SPATA17: variants seen among roughly 807,000 people sequenced by gnomAD.
SPATA17 encodes the protein spermatogenesis associated 17.
A neutral mutation model predicts 62.2 loss-of-function variants in SPATA17; 53 were observed. The ratio of observed to expected loss-of-function variants is 0.85; its 90% CI spans 0.68 to 1.07. SPATA17 has a LOEUF of 1.07. SPATA17 is among the 50% of genes least tolerant of loss of function. The probability of loss-of-function intolerance (pLI) is 0.00; values close to 1 mark genes in which losing one functional copy is unlikely to be tolerated. For synonymous variants in SPATA17, 146 were observed against 146.8 expected, an observed-to-expected ratio of 0.99 and a Z score of 0.04; for missense variants, 466 against 425.5, an observed-to-expected ratio of 1.10 and a Z score of -0.84.
chr1:217,713,112 T>C lies in SPATA17; in HGVS notation c.396-28863T>C, dbSNP rs139871676. ...ACGGTGATACAATCTGCAGAGTTCA[T>C]CTTTCTCGGTCACAGTGTAGGGCAG... On this transcript the variant is annotated intron_variant, in intron 5 of 10. Coordinates refer to ENST00000366933, the MANE Select transcript of SPATA17 (RefSeq NM_138796.4). 6.7e-4 allele frequency among the ~76,000 whole-genome samples: 102 copies of C among 152,298 alleles called. No homozygotes were observed. The South Asian group carries it at 0.011, about 16-fold the overall frequency.
intron 6 of SPATA17, among the ~76,000 whole-genome samples, chr1:217,745,752 C>T (rs1672732482): frequency 6.6e-6 from 1 of 152,012 alleles, no homozygotes; most frequent in Non-Finnish European, 1.5e-5. Context: ...ACAAAAAGCG[C>T]TGAGCCTAAT....
intron 8 of SPATA17, among the ~76,000 whole-genome samples, chr1:217,797,913 G>A (rs972694655): frequency 6.6e-5 from 10 of 152,218 alleles, no homozygotes; most frequent in Non-Finnish European, 1.2e-4. Flanking sequence ...AAGTATTTTA[G>A]ATAGACCTTT....
At chr1:217,645,971 T>C (rs934489166) in intron 1 of SPATA17, among the ~76,000 whole-genome samples, 2 of 152,214 alleles carry the variant, frequency 1.3e-5, no homozygotes, top group Non-Finnish European at 1.5e-5. Context: ...TTGGACCTTT[T>C]TTTTAAATAA....
rs1215424321 is a variant in SPATA17, at chr1:217,869,509, C to T, written c.*2490C>T. ...TTCTCTACAGAATGTAGATTTTCCC[C>T]ATAAGAGATAGCTTCGCAGGGCCAT... On this transcript the variant is annotated 3_prime_UTR_variant, in exon 11 of 11. Transcript: ENST00000366933. The T allele has an allele frequency of 6.6e-6, 1 of 152,048 alleles. No individual in the cohort carries two copies. Among genetic ancestry groups the T allele is most frequent in the Non-Finnish European group, 1.5e-5 (1 of 68,014 alleles). 9.4% of individuals were successfully genotyped at this position (152,048 alleles called of 1,614,324 possible). A position where few individuals can be genotyped will look rare whatever the true frequency, so the allele number is the denominator to read the frequency against.
Position 217,755,993 on chromosome 1 carries a change from TA to T in SPATA17, c.519+13896del, listed in dbSNP as rs146795634. On this transcript the variant is annotated intron_variant, in intron 6 of 10. Coordinates refer to ENST00000366933, the MANE Select transcript of SPATA17 (RefSeq NM_138796.4). ...TTCTATGTCTTAATAAAGCACTTGC[TA>T]TTGGTTTTATGGTTATAGCTACCTC... Among the ~76,000 whole-genome samples the T allele has an allele frequency of 7.2e-3, 1,096 of 152,250 alleles. 11 individuals carry two copies. Among genetic ancestry groups the T allele is most frequent in the African/African-American group, 0.025 (1,044 of 41,566 alleles).
chr1:217,669,746 TC>T (rs1401375130), intron 4 of SPATA17, among the ~76,000 whole-genome samples: 1 of 152,218 alleles, frequency 6.6e-6, no homozygotes, highest in African/African-American at 2.4e-5. Flanking sequence ...TGCCTTATAT[TC>T]TTTTTCATTA....
chr1:217,720,482 T>A (rs910167654), intron 5 of SPATA17, among the ~76,000 whole-genome samples: 1 of 152,146 alleles, frequency 6.6e-6, no homozygotes, highest in Non-Finnish European at 1.5e-5. Flanking sequence ...ACAAAATGAC[T>A]GTAGCTGCAA....
chr1:217,852,403 G>T (rs1238409248), intron 9 of SPATA17, among the ~76,000 whole-genome samples: 1 of 152,158 alleles, frequency 6.6e-6, no homozygotes, highest in East Asian at 1.9e-4. Context: ...GAAATTATGG[G>T]CTAGGTATCA....
At chr1:217,654,454 A>G (rs920356514) in intron 3 of SPATA17, among the ~76,000 whole-genome samples, 2 of 152,118 alleles carry the variant, frequency 1.3e-5, no homozygotes, top group Non-Finnish European at 2.9e-5. Flanking sequence ...TTATTGTGCT[A>G]TCATTTACAT....
intron 3 of SPATA17, 89 bp downstream of exon 3, chr1:217,651,267 A>G: frequency 1.9e-6 from 2 of 1,056,340 alleles, no homozygotes; most frequent in Middle Eastern, 2.4e-4. Context: ...ATAGTTTGGA[A>G]ATTACTGATG....
chr1:217,689,865 G>A (rs1671305730), intron 5 of SPATA17, among the ~76,000 whole-genome samples: 1 of 150,666 alleles, frequency 6.6e-6, no homozygotes. Flanking sequence ...TACCATCACA[G>A]AAGCCTGTTG....
intron 1 of SPATA17, among the ~76,000 whole-genome samples, chr1:217,633,962 A>G (rs536110753): frequency 6.6e-6 from 1 of 152,350 alleles, no homozygotes; most frequent in Admixed American, 6.5e-5. Context: ...AACTCCAAGA[A>G]GTGAGCAGCA....
intron 1 of SPATA17, among the ~76,000 whole-genome samples, chr1:217,642,869 G>C (rs1670096481): frequency 6.6e-6 from 1 of 152,178 alleles, no homozygotes; most frequent in South Asian, 2.1e-4. Context: ...GTCTTGTGTA[G>C]TATCTTTATA....
intron 6 of SPATA17, among the ~76,000 whole-genome samples, chr1:217,767,259 G>C (rs534271694): frequency 6.6e-6 from 1 of 152,136 alleles, no homozygotes; most frequent in South Asian, 2.1e-4. Flanking sequence ...TTAGGGTAAG[G>C]TGTTTTTTCT....
chr1:217,844,454 C>T (rs897515809), intron 9 of SPATA17, among the ~76,000 whole-genome samples: 2 of 152,088 alleles, frequency 1.3e-5, no homozygotes, highest in Admixed American at 6.6e-5. Context: ...AGATGGACTT[C>T]TTACTCCTAG....
At chr1:217,779,846 T>G (rs572979250) in intron 7 of SPATA17, among the ~76,000 whole-genome samples, 4 of 152,240 alleles carry the variant, frequency 2.6e-5, no homozygotes, top group African/African-American at 9.6e-5. Flanking sequence ...TTTATGGTTT[T>G]AATAATGGCT....
At chr1:217,782,085 T>C (rs1247372047) in intron 7 of SPATA17, 89 bp from the exon 8 acceptor site, 3 of 1,291,054 alleles carry the variant, frequency 2.3e-6, no homozygotes, top group African/African-American at 3.0e-5. Context: ...AAACCTGCTA[T>C]ACTTTGTAGA....
intron 9 of SPATA17, among the ~76,000 whole-genome samples, chr1:217,810,103 T>C (rs1674549794): frequency 1.3e-5 from 2 of 152,200 alleles, no homozygotes; most frequent in Non-Finnish European, 2.9e-5. Flanking sequence ...AATAATGTAG[T>C]ACTTCCTTTT....
At chr1:217,717,085 AG>A (rs1388184673) in intron 5 of SPATA17, among the ~76,000 whole-genome samples, 1 of 152,208 alleles carries the variant, frequency 6.6e-6, no homozygotes, top group Non-Finnish European at 1.5e-5. Context: ...TTTCAGTTGA[AG>A]CATATACCAT....
Sources: gnomAD v4.1 joint callset for allele counts (sites outside exome capture counted in the v4.1 genomes callset) on GRCh38, gnomAD v4.1.1 for gene constraint, MANE v1.5 for transcripts, NCBI Gene and HGNC (gene_info 2026-07-23, HGNC 2026-07-21) for gene names.